CILP: variants seen among roughly 807,000 people sequenced by gnomAD.
The protein encoded by CILP is cartilage intermediate layer protein.
A neutral mutation model predicts 82.5 loss-of-function variants in CILP; 75 were observed. That is an observed-to-expected ratio of 0.91 (90% CI 0.75 to 1.10). CILP has a LOEUF of 1.10. CILP is among the 50% of genes least tolerant of loss of function. The pLI is 0.00. For missense variants in CILP, 1,479 were observed against 1,530.8 expected (o/e 0.97, Z 0.56); for synonymous variants, 530 against 580.3 (o/e 0.91, Z 1.25).
rs1161270856 is a variant in CILP, at chr15:65,198,865, G to A, written c.1421C>T (p.Thr474Ile). The change falls in exon 9 of 9, where the codon ACC becomes ATC. Residue 474 changes from threonine (T) to isoleucine (I), a missense_variant. Transcript: ENST00000261883. ...GCAGCTGCACTCCTTGGCCACCTTG[G>A]TGGGTAGCGTGTAGCCACTGCACTG... ...EIQCSGYTLP[T>I]KVAKECSCQR... is the part of the protein sequence containing the mutation. 6.2e-7 allele frequency: 1 copy of A among 1,613,964 alleles called. No homozygotes were observed. The highest frequency in any genetic ancestry group is 8.5e-7 in the Non-Finnish European group (1 of 1,180,046).
At position 65,201,764 on chromosome 15, in the gene CILP, GAAAAGAAA is replaced by G. The variant is rs371812207; in HGVS notation, c.1186+100_1186+107del. ...AAAAAAAAAAAAGAAAGAAAGAAAA[GAAAAGAAA>G]AAAGAAAAGCCTTAGCTATTACTGC... On this transcript the variant is annotated intron_variant, in intron 8 of 8. Coordinates refer to ENST00000261883, the MANE Select transcript of CILP (RefSeq NM_003613.4). 4,909 of 502,376 alleles carry G rather than the reference GAAAAGAAA, an allele frequency of 9.8e-3. 86 individuals carry two copies. Among genetic ancestry groups the G allele is most frequent in the African/African-American group, 0.045 (2,156 of 48,292 alleles). 31.1% of individuals were successfully genotyped at this position (502,376 alleles called of 1,614,324 possible).
Position 65,197,515 on chromosome 15 carries a change from T to C in CILP, c.2771A>G (p.Tyr924Cys), listed in dbSNP as rs1244027148. Residue 924 changes from tyrosine to cysteine, a missense_variant, in exon 9 of 9, where the codon TAC becomes TGC. Transcript: ENST00000261883. The stretch of plus-strand genomic sequence containing the variant: ...ATCTTCGTTGAAGGGGACTGTGTTG[T>C]AGTCATATCGATCCCCCTCAATCTG... ...FYQIEGDRYD[Y>C]NTVPFNEDDP... 1 of 1,614,186 alleles carries C rather than the reference T, an allele frequency of 6.2e-7. No individual in the cohort carries two copies. The highest frequency in any genetic ancestry group is 1.3e-5 in the African/African-American group (1 of 75,056).
chr15:65,206,880 A>G lies in CILP; in HGVS notation c.326T>C (p.Val109Ala), dbSNP rs1253654126. ...WTPAGSTGQV[V>A]HGSPREGFWC... ...GAAACCCTCACGGGGACTACCATGG[A>G]CCACCTGGCCAGTGCTGCCCGCAGG... is the stretch of plus-strand genomic sequence containing the variant. The change falls in exon 4 of 9, where the codon GTC (valine) becomes GCC (alanine). Residue 109 changes from valine (V) to alanine (A), a missense_variant. Transcript: ENST00000261883. The G allele has an allele frequency of 6.2e-7, 1 of 1,613,938 alleles. No homozygotes were observed. Among genetic ancestry groups the G allele is most frequent in the Admixed American group, 1.7e-5 (1 of 60,020 alleles).
intron 1 of CILP, among the ~76,000 whole-genome samples, chr15:65,210,349 A>C (rs973254967): frequency 2.0e-5 from 3 of 151,968 alleles, no homozygotes; most frequent in African/African-American, 7.3e-5. Flanking sequence ...CGGACATACC[A>C]CCTCCATGAA....
rs559616243 is a variant in CILP, at chr15:65,197,324, G to A, written c.2962C>T (p.Arg988Ter). ...RQTVGKLYGIRDVRSTRDRDQ... is the reference protein window; with the variant it reads ...RQTVGKLYGI The stretch of plus-strand genomic sequence containing the variant: ...CTGTCCCGAGTGCTCCTCACATCTC[G>A]GATTCCATACAGCTTCCCCACTGTC... The change falls in exon 9 of 9, where the codon CGA becomes TGA. Residue 988 changes from arginine to a stop codon, truncating the protein, a stop_gained. Coordinates refer to ENST00000261883, the MANE Select transcript of CILP (RefSeq NM_003613.4). LOFTEE classifies it high-confidence loss of function. 97 of 1,613,984 alleles carry A rather than the reference G, an allele frequency of 6.0e-5. No homozygotes were observed. The Middle Eastern group carries it at 9.9e-4, about 16-fold the overall frequency.
chr15:65,203,556 T>C (rs2088484809), intron 6 of CILP, 86 bp from the exon 7 acceptor site: 2 of 925,582 alleles, frequency 2.2e-6, no homozygotes, highest in East Asian at 2.5e-5. Context: ...TCAGGGTCTT[T>C]GATGTTGTGA....
chr15:65,205,786 C>T (rs144271982), intron 4 of CILP, among the ~76,000 whole-genome samples: 134 of 152,272 alleles, frequency 8.8e-4, no homozygotes, highest in Non-Finnish European at 1.1e-3. Context: ...AGTGTGGAAA[C>T]GGCCACATGC....
chr15:65,207,204 C>A (rs970473708), intron 3 of CILP, among the ~76,000 whole-genome samples, 153 bp from the exon 4 acceptor site: 13 of 152,162 alleles, frequency 8.5e-5, no homozygotes, highest in African/African-American at 3.1e-4. Flanking sequence ...ACTGCTGAGG[C>A]CTCCATTCAA....
chr15:65,199,358 T>A (rs2088422929), intron 8 of CILP, among the ~76,000 whole-genome samples: 1 of 152,112 alleles, frequency 6.6e-6, no homozygotes, highest in South Asian at 2.1e-4. Flanking sequence ...TATGAAGGTG[T>A]TTTGGGTTAT....
Position 65,203,487 on chromosome 15 carries a change from G to C in CILP, c.920-17C>G, listed in dbSNP as rs2088483904. The stretch of plus-strand genomic sequence containing the variant: ...ATGGAGTCTCTGGGACAGAAAATGA[G>C]AAATAGCATTTTGGGTTTTTGTGTG... On this transcript the variant is annotated splice_polypyrimidine_tract_variant and intron_variant, in intron 6 of 8. Coordinates refer to ENST00000261883, the MANE Select transcript of CILP (RefSeq NM_003613.4). 1 of 1,601,342 alleles carries C rather than the reference G, an allele frequency of 6.2e-7. No homozygotes were observed. The highest frequency in any genetic ancestry group is 8.5e-7 in the Non-Finnish European group (1 of 1,170,168).
intron 7 of CILP, 66 bp downstream of exon 7, chr15:65,203,296 G>C: frequency 9.5e-7 from 1 of 1,054,600 alleles, no homozygotes; most frequent in Non-Finnish European, 1.5e-6. Context: ...AATAAGTCCA[G>C]ACCCAATGCA....
At chr15:65,210,720 G>A (rs2088576753) in intron 1 of CILP, among the ~76,000 whole-genome samples, 1 of 152,200 alleles carries the variant, frequency 6.6e-6, no homozygotes, top group African/African-American at 2.4e-5. Context: ...GGAAAGGGAA[G>A]AGTCCTCCTC....
Position 65,209,782 on chromosome 15 carries a change from G to T in CILP, c.-27C>A. The T allele has an allele frequency of 1.2e-6, 2 of 1,612,230 alleles. No homozygotes were observed. Among genetic ancestry groups the T allele is most frequent in the Non-Finnish European group, 8.5e-7 (1 of 1,178,370 alleles). Reference sequence around the variant, plus strand: ...TTTCCCCCAAGCCCGTGGGAACGTGGCAAGAGGTAGATGTGGGTGCTTCAC... The same window carrying T: ...TTTCCCCCAAGCCCGTGGGAACGTGTCAAGAGGTAGATGTGGGTGCTTCAC... On this transcript the variant is annotated 5_prime_UTR_variant, in exon 2 of 9. Coordinates refer to ENST00000261883, the MANE Select transcript of CILP (RefSeq NM_003613.4).
chr15:65,210,854 G>A (rs1306421148), intron 1 of CILP, among the ~76,000 whole-genome samples: 5 of 152,132 alleles, frequency 3.3e-5, no homozygotes, highest in Admixed American at 2.6e-4. Flanking sequence ...TCGGATGAGG[G>A]AGCAGAGTCA....
In CILP at chr15:65,207,716, T is replaced by C; in HGVS notation, c.110A>G (p.Lys37Arg). 1 of 1,614,158 alleles carries C rather than the reference T, an allele frequency of 6.2e-7. No individual in the cohort carries two copies. Among genetic ancestry groups the C allele is most frequent in the Admixed American group, 1.7e-5 (1 of 60,022 alleles). ...TQSVRRVQPG[K>R]KNPSIFAKPA... is the part of the protein sequence containing the mutation. ...CTTGGCAAAGATGCTGGGGTTCTTC[T>C]TCCCAGGCTGGACTCTTCTTACTGA... The change falls in exon 3 of 9, where the codon AAG becomes AGG. Residue 37 changes from lysine to arginine, a missense_variant. Lys to Arg is a conservative substitution (Grantham distance 26, BLOSUM62 2). Coordinates refer to ENST00000261883, the MANE Select transcript of CILP (RefSeq NM_003613.4).
At chr15:65,199,203 T>C in intron 8 of CILP, 104 bp from the exon 9 acceptor site, 3 of 738,706 alleles carry the variant, frequency 4.1e-6, no homozygotes, top group Non-Finnish European at 4.3e-6. Context: ...TCAAAGGACT[T>C]GTATATCCAT....
chr15:65,197,530 C>T lies in CILP; in HGVS notation c.2756G>A (p.Gly919Glu). 1 of 1,614,206 alleles carries T rather than the reference C, an allele frequency of 6.2e-7. No homozygotes were observed. The highest frequency in any genetic ancestry group is 1.3e-5 in the African/African-American group (1 of 75,050). Reference sequence around the variant, plus strand: ...GACTGTGTTGTAGTCATATCGATCCCCCTCAATCTGGTAGAACCGGAAGTG... The same window carrying T: ...GACTGTGTTGTAGTCATATCGATCCTCCTCAATCTGGTAGAACCGGAAGTG... ...AAHFRFYQIE[G>E]DRYDYNTVPF... is the part of the protein sequence containing the mutation. Residue 919 changes from glycine (G) to glutamate (E), a missense_variant, in exon 9 of 9, where the codon GGG becomes GAG. Transcript: ENST00000261883.
At chr15:65,204,855 C>T (rs1260140191) in intron 5 of CILP, among the ~76,000 whole-genome samples, 1 of 152,058 alleles carries the variant, frequency 6.6e-6, no homozygotes, top group Non-Finnish European at 1.5e-5. Context: ...CTTGTCTCTA[C>T]AAAAAATACA....
In CILP at chr15:65,206,873, AC is replaced by A; in HGVS notation, c.332del (p.Gly111ValfsTer95). The A allele has an allele frequency of 6.2e-7, 1 of 1,614,000 alleles. No homozygotes were observed. Among genetic ancestry groups the A allele is most frequent in the Non-Finnish European group, 8.5e-7 (1 of 1,180,002 alleles). ...PAGSTGQVVHGSPREGFWCLN... is the reference protein window; with the variant it reads ...PAGSTGQVVHXSPREGFWCLN... ...GGCACCAGAAACCCTCACGGGGACT[AC>A]CATGGACCACCTGGCCAGTGCTGCC... On this transcript the variant is annotated frameshift_variant, in exon 4 of 9. Transcript: ENST00000261883. LOFTEE classifies it high-confidence loss of function.
Sources: allele counts gnomAD v4.1 joint callset (sites outside exome capture counted in the v4.1 genomes callset), GRCh38; gene constraint gnomAD v4.1.1; transcripts MANE v1.5; gene names NCBI Gene and HGNC (gene_info 2026-07-23, HGNC 2026-07-21).